Variants in WDFY3 observed in about 807,000 individuals in gnomAD.
The protein encoded by WDFY3 is WD repeat and FYVE domain containing 3.
A neutral mutation model predicts 409.6 loss-of-function variants in WDFY3; 66 were observed. The observed-to-expected ratio is 0.16, with a 90% CI of 0.13 to 0.20. The LOEUF (loss-of-function observed/expected upper bound fraction) is 0.20, where lower values mean the gene tolerates loss of function less well. Ranked by LOEUF, WDFY3 falls within the 10% of genes least tolerant of loss-of-function variation. WDFY3 has a pLI of 1.00. For synonymous variants in WDFY3, 1,521 were observed against 1,537.1 expected, an observed-to-expected ratio of 0.99 and a Z score of 0.25; for missense variants, 3,031 against 4,298.1, an observed-to-expected ratio of 0.71 and a Z score of 8.24.
Position 84,801,853 on chromosome 4 carries a change from A to G in WDFY3, c.2619T>C (p.Asp873=). The G allele has an allele frequency of 6.2e-7, 1 of 1,613,834 alleles. No homozygotes were observed. The highest frequency in any genetic ancestry group is 8.5e-7 in the Non-Finnish European group (1 of 1,179,722). Residue 873 remains aspartate (D), a synonymous_variant, in exon 17 of 68, where the codon GAT becomes GAC. Coordinates refer to ENST00000295888, the MANE Select transcript of WDFY3 (RefSeq NM_014991.6). The part of the protein sequence containing the change: ...GSVTQPEHAL[D]LQLAVANILQ... Reference sequence around the variant, plus strand: ...AAATATTTGCCACGGCAAGTTGAAGATCCAAAGCATGCTAAAATCAACAAA... The same window carrying G: ...AAATATTTGCCACGGCAAGTTGAAGGTCCAAAGCATGCTAAAATCAACAAA...
chr4:84,842,064 TA>T (rs1394668058), intron 5 of WDFY3, among the ~76,000 whole-genome samples: 2 of 152,204 alleles, frequency 1.3e-5, no homozygotes, highest in Non-Finnish European at 2.9e-5. Flanking sequence ...TTTAGTTGAT[TA>T]TATTTCTTAT....
intron 56 of WDFY3, among the ~76,000 whole-genome samples, chr4:84,697,175 C>T (rs904178803): frequency 2.0e-5 from 3 of 152,160 alleles, no homozygotes; most frequent in Non-Finnish European, 2.9e-5. Flanking sequence ...AGAGGGATAT[C>T]AAACACAAAA....
At chr4:84,797,413 G>A (rs1312127975) in intron 18 of WDFY3, among the ~76,000 whole-genome samples, 2 of 152,098 alleles carry the variant, frequency 1.3e-5, no homozygotes, top group African/African-American at 4.8e-5. Context: ...ATTCTCTCTC[G>A]AAATAAACTA....
At chr4:84,704,260 AATG>A in intron 55 of WDFY3, 75 bp downstream of exon 55, 1 of 1,039,570 alleles carries the variant, frequency 9.6e-7, no homozygotes, top group Non-Finnish European at 1.4e-6. Context: ...AATAGAAGAT[AATG>A]ATGTTTTAAA....
chr4:84,891,976 C>T (rs1184091918), intron 3 of WDFY3, among the ~76,000 whole-genome samples: 1 of 151,674 alleles, frequency 6.6e-6, no homozygotes, highest in African/African-American at 2.4e-5. Context: ...ACAGAATAAC[C>T]CTGCAAACAG....
At chr4:84,861,036 C>G (rs1300514953) in intron 3 of WDFY3, among the ~76,000 whole-genome samples, 1 of 152,024 alleles carries the variant, frequency 6.6e-6, no homozygotes, top group Non-Finnish European at 1.5e-5. Context: ...TATGACAAAA[C>G]CCTGTCTCTA....
intron 32 of WDFY3, among the ~76,000 whole-genome samples, chr4:84,760,949 A>G (rs1195690949): frequency 2.0e-5 from 3 of 148,396 alleles, no homozygotes; most frequent in African/African-American, 7.5e-5. Flanking sequence ...ATTTAGTGCT[A>G]TAAATTTCCC....
intron 4 of WDFY3, among the ~76,000 whole-genome samples, chr4:84,857,533 C>T (rs949416052): frequency 2.6e-5 from 4 of 152,066 alleles, no homozygotes; most frequent in Admixed American, 2.0e-4. Flanking sequence ...CACATCATGA[C>T]GTTAAAGTAA....
chr4:84,873,141 T>C (rs1319269981), intron 3 of WDFY3, among the ~76,000 whole-genome samples: 4 of 152,190 alleles, frequency 2.6e-5, no homozygotes, highest in Admixed American at 6.5e-5. Flanking sequence ...TCAATACATA[T>C]ATAGTTTACC....
chr4:84,696,445 C>T (rs1353451167), intron 57 of WDFY3, among the ~76,000 whole-genome samples: 1 of 152,066 alleles, frequency 6.6e-6, no homozygotes, highest in Non-Finnish European at 1.5e-5. Flanking sequence ...TATGATTGTT[C>T]TATTTTATTA....
chr4:84,822,041 T>C (rs145099345), intron 10 of WDFY3, among the ~76,000 whole-genome samples: 75 of 152,296 alleles, frequency 4.9e-4, no homozygotes, highest in Middle Eastern at 3.4e-3. Context: ...CTGTGATTTT[T>C]ATAAATTTTA....
intron 44 of WDFY3, among the ~76,000 whole-genome samples, chr4:84,728,971 T>C (rs958715886): frequency 2.0e-5 from 3 of 152,136 alleles, no homozygotes; most frequent in African/African-American, 7.2e-5. Flanking sequence ...ATTTCCTAAA[T>C]GAGCTGCTTA....
chr4:84,806,606 A>G (rs755821027), intron 15 of WDFY3, among the ~76,000 whole-genome samples: 37 of 151,860 alleles, frequency 2.4e-4, no homozygotes, highest in Non-Finnish European at 5.1e-4. Flanking sequence ...AATAAATAGA[A>G]AGTTCTGATG....
intron 3 of WDFY3, among the ~76,000 whole-genome samples, chr4:84,888,518 T>C (rs1039816130): frequency 6.6e-6 from 1 of 152,212 alleles, no homozygotes; most frequent in African/African-American, 2.4e-5. Flanking sequence ...TAAAATAATA[T>C]ACTTTCATAT....
intron 3 of WDFY3, among the ~76,000 whole-genome samples, chr4:84,881,538 A>G (rs1011915694): frequency 1.3e-5 from 2 of 152,006 alleles, no homozygotes; most frequent in African/African-American, 2.4e-5. Context: ...GTTTTCCAGG[A>G]AACAACCTAA....
chr4:84,682,331 A>T lies in WDFY3; in HGVS notation c.9823+43T>A, dbSNP rs1234128949. Reference sequence around the variant, plus strand: ...AGCTTATCCACAGTGACTTAAAAGAAATATGAAAACGATTTGAGTCATTTT... The same window carrying T: ...AGCTTATCCACAGTGACTTAAAAGATATATGAAAACGATTTGAGTCATTTT... On this transcript the variant is annotated intron_variant, in intron 64 of 67. Transcript: ENST00000295888. 5 of 1,572,446 alleles carry T rather than the reference A, an allele frequency of 3.2e-6. No individual in the cohort carries two copies. The African/African-American group carries it at 5.4e-5, about 17-fold the overall frequency.
intron 4 of WDFY3, among the ~76,000 whole-genome samples, chr4:84,859,767 G>T (rs1051590555): frequency 6.6e-6 from 1 of 151,560 alleles, no homozygotes; most frequent in African/African-American, 2.4e-5. Flanking sequence ...TAGAGATGGG[G>T]TCTCACCATG....
intron 55 of WDFY3, among the ~76,000 whole-genome samples, chr4:84,703,052 G>C (rs1423891813): frequency 6.6e-6 from 1 of 151,486 alleles, no homozygotes; most frequent in Admixed American, 6.6e-5. Context: ...AGCCGAGATC[G>C]TGCCACTGCA....
chr4:84,702,330 G>C, intron 56 of WDFY3, 23 bp downstream of exon 56: 1 of 1,577,402 alleles, frequency 6.3e-7, no homozygotes. Flanking sequence ...ACATTCCTAA[G>C]ACAGTGCCAT....
Sources: allele counts gnomAD v4.1 joint callset (sites outside exome capture counted in the v4.1 genomes callset), GRCh38; gene constraint gnomAD v4.1.1; transcripts MANE v1.5; gene names NCBI Gene and HGNC (gene_info 2026-07-23, HGNC 2026-07-21).